Variants in ANKRD42 observed in about 807,000 individuals in gnomAD.
The protein encoded by ANKRD42 is ankyrin repeat domain 42.
A neutral mutation model predicts 51.5 loss-of-function variants in ANKRD42; 43 were observed. That is an observed-to-expected ratio of 0.83 (90% CI 0.65 to 1.08). The LOEUF is 1.08. Among genes scored for constraint, ANKRD42 ranks in the 50% least tolerant of loss-of-function variants. ANKRD42 has a pLI of 0.00. For missense variants in ANKRD42, 608 were observed against 629.3 expected (o/e 0.97, Z 0.36); for synonymous variants, 203 against 213.0 (o/e 0.95, Z 0.41).
intron 5 of ANKRD42, chr11:83,213,922 G>A (rs1590978289): frequency 6.6e-6 from 1 of 151,816 alleles, no homozygotes; most frequent in African/African-American, 2.5e-5. Flanking sequence ...ATAGAGTCTT[G>A]CTCTGTCGCA....
intron 5 of ANKRD42, among the ~76,000 whole-genome samples, chr11:83,221,739 C>T (rs1195245704): frequency 6.6e-6 from 1 of 152,118 alleles, no homozygotes; most frequent in African/African-American, 2.4e-5. Context: ...AGTTTGTGCC[C>T]AGGGGACCTG....
intron 2 of ANKRD42, among the ~76,000 whole-genome samples, chr11:83,201,802 T>C (rs560423216): frequency 1.3e-5 from 2 of 152,344 alleles, no homozygotes; most frequent in South Asian, 4.1e-4. Flanking sequence ...TGTCTTCTTT[T>C]GAGAAGTATC....
downstream of ANKRD42, chr11:83,261,590 G>C (rs1173880457): frequency 5.3e-6 from 1 of 188,974 alleles, no homozygotes; most frequent in Non-Finnish European, 1.1e-5. Context: ...AATCCTGTAT[G>C]ATTTACACAA....
At chr11:83,253,055 A>T (rs1863702356), downstream of ANKRD42, among the ~76,000 whole-genome samples, 1 of 152,148 alleles carries the variant, frequency 6.6e-6, no homozygotes, top group African/African-American at 2.4e-5. Flanking sequence ...TTCCATGGTT[A>T]CCTTCCATGT....
chr11:83,239,102 T>C (rs895131338), intron 8 of ANKRD42, among the ~76,000 whole-genome samples: 7 of 152,208 alleles, frequency 4.6e-5, no homozygotes, highest in African/African-American at 1.7e-4. Flanking sequence ...TTTTTTTAAT[T>C]CTAGTAATGA....
At chr11:83,237,889 G>A (rs1380379404) in intron 8 of ANKRD42, among the ~76,000 whole-genome samples, 1 of 152,116 alleles carries the variant, frequency 6.6e-6, no homozygotes, top group African/African-American at 2.4e-5. Context: ...CCCTTTGACT[G>A]CTCCCCAGTG....
At chr11:83,235,450 TAGAGA>T (rs762798960) in intron 7 of ANKRD42, among the ~76,000 whole-genome samples, 40 of 152,368 alleles carry the variant, frequency 2.6e-4, no homozygotes, top group Non-Finnish European at 5.0e-4. Flanking sequence ...AATTGATGTT[TAGAGA>T]AGTCAGGTGG....
intron 5 of ANKRD42, among the ~76,000 whole-genome samples, chr11:83,216,659 G>A (rs1411707775): frequency 2.0e-5 from 3 of 152,176 alleles, no homozygotes; most frequent in East Asian, 1.9e-4. Flanking sequence ...TCTGGTGATC[G>A]TAAATTGTCT....
At chr11:83,211,735 G>A (rs1862329271) in intron 5 of ANKRD42, among the ~76,000 whole-genome samples, 1 of 152,088 alleles carries the variant, frequency 6.6e-6, no homozygotes, top group Admixed American at 6.5e-5. Context: ...CCAGGGATTT[G>A]AGGCTACAGT....
At chr11:83,218,504 G>A (rs1862609984) in intron 5 of ANKRD42, among the ~76,000 whole-genome samples, 1 of 152,154 alleles carries the variant, frequency 6.6e-6, no homozygotes, top group Non-Finnish European at 1.5e-5. Context: ...CCTAACCCTT[G>A]TAAAACATCT....
chr11:83,212,203 G>A (rs79128146), intron 5 of ANKRD42, among the ~76,000 whole-genome samples: 8,923 of 151,826 alleles, frequency 0.059, 868 homozygotes, highest in African/African-American at 0.2. Context: ...ATGCCTCAGC[G>A]TCCTTCGTAG....
At chr11:83,244,211 C>T (rs1394464849) in intron 9 of ANKRD42, among the ~76,000 whole-genome samples, 1 of 151,990 alleles carries the variant, frequency 6.6e-6, no homozygotes, top group Non-Finnish European at 1.5e-5. Flanking sequence ...GAACTCCCAA[C>T]CTCAAGTGAT....
At chr11:83,204,103 T>C (rs1861976976) in intron 2 of ANKRD42, among the ~76,000 whole-genome samples, 1 of 152,168 alleles carries the variant, frequency 6.6e-6, no homozygotes, top group East Asian at 1.9e-4. Context: ...CCACCACGCC[T>C]GTCTAATTTT....
rs922738298 is a variant in ANKRD42, at chr11:83,248,336, C to A, written c.*132C>A. 7.7e-7 allele frequency: 1 copy of A among 1,300,930 alleles called. No individual in the cohort carries two copies. The highest frequency in any genetic ancestry group is 3.7e-5 in the Admixed American group (1 of 27,222). The allele number at this position is 1,300,930 out of a possible 1,614,324, so 80.6% of individuals were successfully genotyped here. On this transcript the variant is annotated 3_prime_UTR_variant, in exon 11 of 11. Coordinates refer to ENST00000533342, the MANE Select transcript of ANKRD42 (RefSeq NM_001300975.2). Reference sequence around the variant, plus strand: ...ACACACACACACACACACACACACACTCTATATGTAACTATAACTTTCTAG... The same window carrying A: ...ACACACACACACACACACACACACAATCTATATGTAACTATAACTTTCTAG...
chr11:83,209,513 T>G, intron 3 of ANKRD42: 1 of 1,052,814 alleles, frequency 9.5e-7, no homozygotes, highest in South Asian at 1.3e-5. Context: ...CCATTTGATG[T>G]CTGAATCTGA....
chr11:83,219,598 T>C (rs931920446), intron 5 of ANKRD42, among the ~76,000 whole-genome samples: 3 of 152,226 alleles, frequency 2.0e-5, no homozygotes, highest in Non-Finnish European at 2.9e-5. Context: ...CTCAAGGCGG[T>C]ACCAGTATCC....
chr11:83,256,101 AC>A (rs1302158688), downstream of ANKRD42: 1 of 498,280 alleles, frequency 2.0e-6, no homozygotes, highest in African/African-American at 1.9e-5. Flanking sequence ...TTTAAATGAC[AC>A]GGACTCAGTT....
At chr11:83,204,468 T>G (rs943443454) in intron 2 of ANKRD42, among the ~76,000 whole-genome samples, 3 of 152,038 alleles carry the variant, frequency 2.0e-5, no homozygotes, top group African/African-American at 7.2e-5. Context: ...CAATAGACAC[T>G]GGGGATTCCA....
chr11:83,245,643 T>G lies in ANKRD42; in HGVS notation c.1322+19T>G. Reference sequence around the variant, plus strand: ...CTGAAAAGTAATGTCCTTAAAACTTTAATGATTTGTTTTTAAATACCTCTC... The same window carrying G: ...CTGAAAAGTAATGTCCTTAAAACTTGAATGATTTGTTTTTAAATACCTCTC... On this transcript the variant is annotated intron_variant, in intron 10 of 10. Coordinates refer to ENST00000533342, the MANE Select transcript of ANKRD42 (RefSeq NM_001300975.2). 8 of 1,522,348 alleles carry G rather than the reference T, an allele frequency of 5.3e-6. No homozygotes were observed. The highest frequency in any genetic ancestry group is 7.0e-6 in the Non-Finnish European group (8 of 1,141,368). 94.3% of individuals were successfully genotyped at this position (1,522,348 alleles called of 1,614,324 possible).
Sources: gnomAD v4.1 joint callset for allele counts (sites outside exome capture counted in the v4.1 genomes callset) on GRCh38, gnomAD v4.1.1 for gene constraint, MANE v1.5 for transcripts, NCBI Gene and HGNC (gene_info 2026-07-23, HGNC 2026-07-21) for gene names.